Variants in STAG1 observed in about 807,000 individuals in gnomAD.
STAG1 encodes cohesin subunit SA-1.
Under a neutral mutation model 170.9 loss-of-function variants are expected in STAG1, and 26 were observed. The ratio of observed to expected loss-of-function variants is 0.15; its 90% confidence interval spans 0.11 to 0.21. The LOEUF (loss-of-function observed/expected upper bound fraction) is 0.21, where lower values mean the gene tolerates loss of function less well. Among genes scored for constraint, STAG1 ranks in the 10% least tolerant of loss-of-function variants. STAG1 has a pLI of 1.00. For missense variants in STAG1, 964 were observed against 1,509.5 expected (o/e 0.64, Z 5.99); for synonymous variants, 514 against 497.7 (o/e 1.03, Z -0.44).
chr3:136,729,079 C>A (rs537385578), intron 1 of STAG1, among the ~76,000 whole-genome samples: 2 of 152,306 alleles, frequency 1.3e-5, no homozygotes, highest in South Asian at 4.1e-4. Context: ...CTCCCTGGCT[C>A]AAGGGATTCT....
At chr3:136,604,606 G>A (rs1938843723) in intron 3 of STAG1, 133 bp from the exon 4 acceptor site, 1 of 778,866 alleles carries the variant, frequency 1.3e-6, no homozygotes. Flanking sequence ...ATTCAAAAAA[G>A]TGCAAAGAGC....
At chr3:136,591,718 CT>C in intron 4 of STAG1, among the ~76,000 whole-genome samples, 1 of 152,254 alleles carries the variant, frequency 6.6e-6, no homozygotes, top group East Asian at 1.9e-4. Context: ...GATGCCAAAT[CT>C]TTCCATTTGG....
intron 4 of STAG1, chr3:136,591,555 TG>T: frequency 9.4e-6 from 4 of 425,566 alleles, no homozygotes; most frequent in African/African-American, 2.1e-5. Flanking sequence ...CATCTCTATT[TG>T]AAAAAAAAAA....
At chr3:136,422,925 A>C in intron 17 of STAG1, 27 bp downstream of exon 17, 1 of 1,587,598 alleles carries the variant, frequency 6.3e-7, no homozygotes, top group South Asian at 1.1e-5. Flanking sequence ...ACTCAGTGAC[A>C]TAACAAAACT....
At chr3:136,548,908 T>C (rs889608146) in intron 5 of STAG1, among the ~76,000 whole-genome samples, 8 of 152,170 alleles carry the variant, frequency 5.3e-5, no homozygotes, top group African/African-American at 1.9e-4. Context: ...TCAAAGTGTA[T>C]AGTACCTCTC....
At chr3:136,397,999 T>C (rs886156226) in intron 22 of STAG1, among the ~76,000 whole-genome samples, 4 of 152,008 alleles carry the variant, frequency 2.6e-5, no homozygotes, top group African/African-American at 9.7e-5. Context: ...CAGGCTGGAG[T>C]ACAATGGCGC....
intron 21 of STAG1, 25 bp from the exon 22 acceptor site, chr3:136,398,854 T>C: frequency 6.7e-7 from 1 of 1,484,256 alleles, no homozygotes; most frequent in Non-Finnish European, 9.1e-7. Flanking sequence ...AAAAAATTTT[T>C]TTAATGAAAA....
chr3:136,715,343 C>T (rs1211179630), intron 1 of STAG1, among the ~76,000 whole-genome samples: 2 of 151,076 alleles, frequency 1.3e-5, no homozygotes, highest in Non-Finnish European at 2.9e-5. Flanking sequence ...TATTTAGGCC[C>T]GGTGCAGTGG....
At chr3:136,678,513 G>A (rs1315177128) in intron 1 of STAG1, among the ~76,000 whole-genome samples, 1 of 139,404 alleles carries the variant, frequency 7.2e-6, no homozygotes. Context: ...AATAAACGAG[G>A]TAAACATGAA....
rs967477725 is a variant in STAG1, at chr3:136,623,399, C to A, written c.30-151G>T. ...CTCTCTAGCAAACTAAAAATGTTAT[C>A]CTCCCTTCCTAATTTCACATAACAG... On this transcript the variant is annotated intron_variant, in intron 2 of 33. Coordinates refer to ENST00000383202, the MANE Select transcript of STAG1 (RefSeq NM_005862.3). The A allele has an allele frequency of 1.1e-5, 6 of 544,944 alleles. No homozygotes were observed. The Admixed American group carries it at 2.3e-4, about 21-fold the overall frequency. The allele number at this position is 544,944 out of a possible 1,614,324, so 33.8% of individuals were successfully genotyped here.
At chr3:136,569,967 T>C (rs1937209214) in intron 4 of STAG1, among the ~76,000 whole-genome samples, 2 of 152,138 alleles carry the variant, frequency 1.3e-5, no homozygotes, top group Non-Finnish European at 2.9e-5. Flanking sequence ...CAGTTTGCAT[T>C]CCAGTGGGCA....
At chr3:136,498,265 CACACACACCA>C (rs1559841933) in intron 9 of STAG1, among the ~76,000 whole-genome samples, 1 of 90,976 alleles carries the variant, frequency 1.1e-5, no homozygotes, top group African/African-American at 6.1e-5. Flanking sequence ...CACACACACA[CACACACACCA>C]CACACACATA....
intron 3 of STAG1, among the ~76,000 whole-genome samples, chr3:136,607,431 C>A (rs1325319838): frequency 1.3e-5 from 2 of 152,136 alleles, no homozygotes; most frequent in Non-Finnish European, 2.9e-5. Context: ...GAGACAGATT[C>A]TCTCTTTGTT....
At chr3:136,448,921 T>C (rs1406331680) in intron 14 of STAG1, among the ~76,000 whole-genome samples, 2 of 150,650 alleles carry the variant, frequency 1.3e-5, no homozygotes, top group Non-Finnish European at 3.0e-5. Context: ...CAAGACTCCA[T>C]CCCAAAAAAA....
At chr3:136,429,349 G>A (rs961549876) in intron 16 of STAG1, among the ~76,000 whole-genome samples, 13 of 152,196 alleles carry the variant, frequency 8.5e-5, no homozygotes, top group Admixed American at 8.5e-4. Flanking sequence ...GGAGGTTGCA[G>A]TGAGCCCAGA....
chr3:136,355,351 TAAAAAAAAAAAAAAAA>T (rs370605205), intron 28 of STAG1, among the ~76,000 whole-genome samples: 4 of 29,994 alleles, frequency 1.3e-4, no homozygotes, highest in Admixed American at 1.1e-3. Flanking sequence ...GACTCCATCT[TAAAAAAAAAAAAAAAA>T]AAAAAAAAAA....
At chr3:136,673,240 T>C (rs1446451103) in intron 1 of STAG1, among the ~76,000 whole-genome samples, 2 of 152,170 alleles carry the variant, frequency 1.3e-5, no homozygotes, top group African/African-American at 4.8e-5. Context: ...TGAGGAAGAA[T>C]ACGTAGCAAA....
At chr3:136,450,280 A>G (rs147409664) in intron 14 of STAG1, among the ~76,000 whole-genome samples, 1 of 152,272 alleles carries the variant, frequency 6.6e-6, no homozygotes, top group East Asian at 1.9e-4. Context: ...GACTGTTAGA[A>G]ATGCAGAATC....
At chr3:136,361,980 A>T (rs1403810953) in intron 26 of STAG1, among the ~76,000 whole-genome samples, 1 of 151,194 alleles carries the variant, frequency 6.6e-6, no homozygotes, top group Non-Finnish European at 1.5e-5. Flanking sequence ...TTTGAGACAG[A>T]GTTTTGCTCT....
Sources: allele counts gnomAD v4.1 joint callset (sites outside exome capture counted in the v4.1 genomes callset), GRCh38; gene constraint gnomAD v4.1.1; transcripts MANE v1.5; gene names NCBI Gene and HGNC (gene_info 2026-07-23, HGNC 2026-07-21).